Variants in CLIP1 observed in about 807,000 individuals in gnomAD.
CLIP1 encodes the protein CAP-Gly domain containing linker protein 1, also known as CAP-Gly domain-containing linker protein 1.
In CLIP1, 66 loss-of-function variants were observed where a neutral mutation model predicts 161.6. The ratio of observed to expected loss-of-function variants is 0.41; its 90% confidence interval spans 0.33 to 0.50. The LOEUF is 0.50. Among genes scored for constraint, CLIP1 ranks in the 20% least tolerant of loss-of-function variants. The pLI is 0.27. For missense variants in CLIP1, 1,376 were observed against 1,702.0 expected, an observed-to-expected ratio of 0.81 and a Z score of 3.37; for synonymous variants, 598 against 626.2, an observed-to-expected ratio of 0.96 and a Z score of 0.67.
rs139448092 is a variant in CLIP1, at chr12:122,304,615, C to T, written c.3594+5147G>A. 7.1e-3 allele frequency among the ~76,000 whole-genome samples: 1,078 copies of T among 152,348 alleles called. 3 individuals carry two copies. The highest frequency in any genetic ancestry group is 0.014 in the Admixed American group (218 of 15,300). ...ACCTCAGGTGATCTGTCTGCCTCAGCCTCCTAAAGGGCTGGGATTACAGGC... is the reference window on the plus strand; with the variant it reads ...ACCTCAGGTGATCTGTCTGCCTCAGTCTCCTAAAGGGCTGGGATTACAGGC... On this transcript the variant is annotated intron_variant, in intron 20 of 25. Transcript: ENST00000620786.
chr12:122,341,658 C>G lies in CLIP1; in HGVS notation c.1546G>C (p.Glu516Gln), dbSNP rs1332051089. 1.7e-5 allele frequency: 28 copies of G among 1,608,168 alleles called. No homozygotes were observed. In the East Asian group the frequency reaches 6.3e-4, roughly 36 times the overall value. The change falls in exon 11 of 26, where the codon GAG becomes CAG. Residue 516 changes from glutamate (E) to glutamine (Q), a missense_variant. Around this residue, in one of 6 missense-constraint regions of CLIP1, gnomAD observed 948 missense variants for 1,134.8 expected, o/e 0.84. Coordinates refer to ENST00000620786, the MANE Select transcript of CLIP1 (RefSeq NM_001247997.2). ...VSEKSRIMEL[E>Q]KDLALRVQEV... ...TGTACTCTCAATGCTAGGTCTTTCT[C>G]CAGTTCCATTATACGTGACTTTTCT... is the stretch of plus-strand genomic sequence containing the variant.
chr12:122,276,459 AGT>A, intron 24 of CLIP1: 1 of 1,289,074 alleles, frequency 7.8e-7, no homozygotes, highest in Non-Finnish European at 1.0e-6. Flanking sequence ...TTGGAAGAAA[AGT>A]GTTGTCAGCA....
In CLIP1 at chr12:122,361,094, T is replaced by A; in HGVS notation, c.870A>T (p.Lys290Asn). ...CTCGCCTCACTGCGTTGGCCTTGGC[T>A]TTGGCTGGTGTAGTGGAAGGGAAGC... ...KIGFPSTTPAKAKANAVRRVM... is the reference protein window; with the variant it reads ...KIGFPSTTPANAKANAVRRVM... Residue 290 changes from lysine (K) to asparagine (N), a missense_variant, in exon 5 of 26, where the codon AAA becomes AAT. Around this residue, in one of 6 missense-constraint regions of CLIP1, gnomAD observed 211 missense variants for 295.1 expected, o/e 0.72. Transcript: ENST00000620786. 6.2e-7 allele frequency: 1 copy of A among 1,614,262 alleles called. No individual in the cohort carries two copies. Among genetic ancestry groups the A allele is most frequent in the Non-Finnish European group, 8.5e-7 (1 of 1,180,050 alleles).
rs184023193 is a variant in CLIP1, at chr12:122,387,263, T to G, written c.-106-6705A>C. Among the ~76,000 whole-genome samples, 141 of 152,232 alleles carry G rather than the reference T, an allele frequency of 9.3e-4. 2 individuals are homozygous for G. Among genetic ancestry groups the G allele is most frequent in the Admixed American group, 9.2e-3 (141 of 15,262 alleles). On this transcript the variant is annotated intron_variant, in intron 1 of 25. Coordinates refer to ENST00000620786, the MANE Select transcript of CLIP1 (RefSeq NM_001247997.2). ...TGCACTCCCAGGGAACCTTTGAGAC[T>G]CTTTTAGAGAATCAAAACTATTTTC... is the stretch of plus-strand genomic sequence containing the variant.
rs181850346 is a variant in CLIP1, at chr12:122,390,336, G to A, written c.-106-9778C>T. On this transcript the variant is annotated intron_variant, in intron 1 of 25. Transcript: ENST00000620786. ...TATATATATTATTTTTTTTTTAAAC[G>A]GAGTCTCGCTCTGCACCCAGGCTGA... Among the ~76,000 whole-genome samples, 188 of 119,390 alleles carry A rather than the reference G, an allele frequency of 1.6e-3. 1 individual carries two copies. Among genetic ancestry groups the A allele is most frequent in the Middle Eastern group, 6.8e-3 (1 of 148 alleles). The allele number at this position is 119,390 out of a possible 152,430, so 78.3% of individuals were successfully genotyped here.
intron 20 of CLIP1, among the ~76,000 whole-genome samples, chr12:122,307,495 G>A (rs1324768153): frequency 6.6e-6 from 1 of 152,102 alleles, no homozygotes; most frequent in African/African-American, 2.4e-5. Context: ...AGTCAATCTA[G>A]TCTCCACTGT....
intron 5 of CLIP1, among the ~76,000 whole-genome samples, chr12:122,360,410 C>CAAAAA (rs34294939): frequency 2.6e-4 from 23 of 87,310 alleles, no homozygotes; most frequent in East Asian, 3.2e-4. Flanking sequence ...CCTCTCTCTA[C>CAAAAA]AAAAAAAAAA....
chr12:122,326,349 T>C (rs946705758), intron 17 of CLIP1, among the ~76,000 whole-genome samples: 4 of 152,046 alleles, frequency 2.6e-5, no homozygotes, highest in African/African-American at 9.7e-5. Context: ...CTTGTGAGAC[T>C]GGCCAGGAAT....
intron 15 of CLIP1, among the ~76,000 whole-genome samples, chr12:122,329,179 T>C (rs1951830059): frequency 6.6e-6 from 1 of 151,896 alleles, no homozygotes; most frequent in Non-Finnish European, 1.5e-5. Flanking sequence ...ATACAAAAAT[T>C]AGCCAGGTGT....
At position 122,334,723 on chromosome 12, in the gene CLIP1, G is replaced by A. The variant is rs766753813; in HGVS notation, c.2569-18C>T. On this transcript the variant is annotated intron_variant, in intron 12 of 25. Coordinates refer to ENST00000620786, the MANE Select transcript of CLIP1 (RefSeq NM_001247997.2). ...TTTTCTTTCTAAAGAAAAAGAATGA[G>A]AGATTCTGAACAGAAAGATTTCAAA... 6.7e-7 allele frequency: 1 copy of A among 1,492,998 alleles called. No homozygotes were observed. The highest frequency in any genetic ancestry group is 1.2e-5 in the South Asian group (1 of 83,622). 92.5% of individuals were successfully genotyped at this position (1,492,998 alleles called of 1,614,324 possible). A position where few individuals can be genotyped will look rare whatever the true frequency, so the allele number is the denominator to read the frequency against.
chr12:122,309,834 C>T lies in CLIP1; in HGVS notation c.3522G>A (p.Ala1174=), dbSNP rs200110148. 107 of 1,613,962 alleles carry T rather than the reference C, an allele frequency of 6.6e-5. No individual in the cohort carries two copies. Among genetic ancestry groups the T allele is most frequent in the Non-Finnish European group, 8.0e-5 (94 of 1,180,034 alleles). ...AAAQKSQQLS[A]LQEENVKLAE... ...CAAGTTTAACGTTCTCTTCTTGCAA[C>T]GCTGAAAGCTGCTGGGACTTCTGAG... is the stretch of plus-strand genomic sequence containing the variant. The change falls in exon 20 of 26, where the codon GCG becomes GCA. Residue 1174 remains alanine, a synonymous_variant. Transcript: ENST00000620786.
chr12:122,361,988 CTG>C (rs1223091199), intron 4 of CLIP1, among the ~76,000 whole-genome samples: 2 of 151,510 alleles, frequency 1.3e-5, no homozygotes, highest in South Asian at 2.1e-4. Context: ...AAGTCTCAGT[CTG>C]TTGCCCAGGC....
At chr12:122,391,562 G>A (rs1232363527) in intron 1 of CLIP1, among the ~76,000 whole-genome samples, 1 of 152,212 alleles carries the variant, frequency 6.6e-6, no homozygotes, top group Non-Finnish European at 1.5e-5. Context: ...CTCCAGCCTG[G>A]GGCACAGAAG....
chr12:122,398,403 C>T (rs996151658), intron 1 of CLIP1, among the ~76,000 whole-genome samples: 5 of 146,616 alleles, frequency 3.4e-5, no homozygotes, highest in Admixed American at 6.9e-5. Flanking sequence ...CCAGCCTGGG[C>T]GACAGAATGA....
At chr12:122,407,125 G>GCCTCC (rs1956351911) in intron 1 of CLIP1, among the ~76,000 whole-genome samples, 1 of 152,116 alleles carries the variant, frequency 6.6e-6, no homozygotes, top group African/African-American at 2.4e-5. Flanking sequence ...TACTTAATGG[G>GCCTCC]TCGGCAGCAG....
At chr12:122,399,856 C>G (rs1956080891) in intron 1 of CLIP1, 1 of 152,156 alleles carries the variant, frequency 6.6e-6, no homozygotes, top group African/African-American at 2.4e-5. Flanking sequence ...AACTTAATAA[C>G]AGAAGGTCAG....
chr12:122,421,017 C>T (rs1038039143), intron 1 of CLIP1, among the ~76,000 whole-genome samples: 1 of 149,602 alleles, frequency 6.7e-6, no homozygotes, highest in East Asian at 2.1e-4. Context: ...CTATACTAAT[C>T]GAATAACTAA....
chr12:122,337,698 C>T (rs1381105004), intron 11 of CLIP1, among the ~76,000 whole-genome samples: 1 of 152,042 alleles, frequency 6.6e-6, no homozygotes, highest in Non-Finnish European at 1.5e-5. Context: ...AAATGAGCTA[C>T]TTGAGCAATT....
chr12:122,277,678 T>C (rs886179982), intron 24 of CLIP1: 2 of 152,766 alleles, frequency 1.3e-5, no homozygotes, highest in African/African-American at 4.8e-5. Flanking sequence ...CCTTACGGCA[T>C]TGTTTATAAT....
Sources: allele counts gnomAD v4.1 joint callset (sites outside exome capture counted in the v4.1 genomes callset), GRCh38; gene constraint gnomAD v4.1.1; regional missense constraint gnomAD v4.1.1; transcripts MANE v1.5; gene names NCBI Gene and HGNC (gene_info 2026-07-23, HGNC 2026-07-21).